TEX2: variants seen among roughly 807,000 people sequenced by gnomAD.
TEX2 encodes the protein testis expressed 2, also known as testis-expressed protein 2.
Under a neutral mutation model 106.9 loss-of-function variants are expected in TEX2, and 53 were observed. The ratio of observed to expected loss-of-function variants is 0.50; its 90% CI spans 0.40 to 0.62. The LOEUF is 0.62. Ranked by LOEUF, TEX2 falls within the 20% of genes least tolerant of loss-of-function variation. The pLI is 0.00. For synonymous variants in TEX2, 523 were observed against 534.8 expected, an observed-to-expected ratio of 0.98 and a Z score of 0.30; for missense variants, 1,207 against 1,379.0, an observed-to-expected ratio of 0.88 and a Z score of 1.98.
chr17:64,148,731 T>C lies in TEX2; in HGVS notation c.*238A>G, dbSNP rs2030188392. 2.0e-6 allele frequency: 1 copy of C among 488,414 alleles called. No homozygotes were observed. The highest frequency in any genetic ancestry group is 3.6e-6 in the Non-Finnish European group (1 of 276,408). The allele number at this position is 488,414 out of a possible 1,614,324, so 30.3% of individuals were successfully genotyped here. A position where few individuals can be genotyped will look rare whatever the true frequency, so the allele number is the denominator to read the frequency against. On this transcript the variant is annotated 3_prime_UTR_variant, in exon 12 of 12. Coordinates refer to ENST00000584379, the MANE Select transcript of TEX2 (RefSeq NM_001288732.2). ...CGTATAACTTCTGGATCCACCATGATTCTTCCATGGTCTCCTTTGCCAAAT... is the reference window on the plus strand; with the variant it reads ...CGTATAACTTCTGGATCCACCATGACTCTTCCATGGTCTCCTTTGCCAAAT...
chr17:64,254,295 T>A (rs1172618811), intron 1 of TEX2, among the ~76,000 whole-genome samples: 1 of 152,170 alleles, frequency 6.6e-6, no homozygotes, highest in Non-Finnish European at 1.5e-5. Context: ...ATAATCAAAC[T>A]CCTTTTCTCT....
chr17:64,218,562 A>G (rs7208940), intron 1 of TEX2, among the ~76,000 whole-genome samples: 87,529 of 151,678 alleles, frequency 0.58, 26,652 homozygotes, highest in East Asian at 0.85. Context: ...GGGACTACAG[A>G]CGCCCGCCAC....
chr17:64,171,310 T>C, intron 6 of TEX2, 111 bp from the exon 7 acceptor site: 4 of 830,582 alleles, frequency 4.8e-6, no homozygotes, highest in East Asian at 5.3e-5. Context: ...TGGGGACATA[T>C]CATTTATGTA....
intron 2 of TEX2, among the ~76,000 whole-genome samples, chr17:64,202,738 G>A (rs2032710474): frequency 6.6e-6 from 1 of 152,200 alleles, no homozygotes; most frequent in Non-Finnish European, 1.5e-5. Flanking sequence ...ATGGCATATA[G>A]ATAGCAACAT....
At chr17:64,184,894 T>C (rs1213502653) in intron 5 of TEX2, among the ~76,000 whole-genome samples, 2 of 152,260 alleles carry the variant, frequency 1.3e-5, no homozygotes, top group Non-Finnish European at 2.9e-5. Flanking sequence ...CTTTTTAAAA[T>C]TTATTTTTAA....
intron 5 of TEX2, 55 bp from the exon 6 acceptor site, chr17:64,177,526 G>A (rs1380753277): frequency 1.3e-6 from 2 of 1,580,838 alleles, no homozygotes; most frequent in African/African-American, 2.7e-5. Flanking sequence ...GAATAAGACA[G>A]GTGCTTATTT....
At chr17:64,159,431 C>G (rs1252075919) in intron 8 of TEX2, among the ~76,000 whole-genome samples, 1 of 152,090 alleles carries the variant, frequency 6.6e-6, no homozygotes, top group Non-Finnish European at 1.5e-5. Flanking sequence ...GGGGTGGGGA[C>G]AGCAGGACAA....
At chr17:64,260,433 T>A (rs2034269118) in intron 1 of TEX2, among the ~76,000 whole-genome samples, 2 of 150,958 alleles carry the variant, frequency 1.3e-5, no homozygotes, top group African/African-American at 4.9e-5. Flanking sequence ...CCTCCCAAGG[T>A]ACTGGGATTA....
At chr17:64,197,282 T>C (rs1041742899) in intron 2 of TEX2, among the ~76,000 whole-genome samples, 4 of 152,216 alleles carry the variant, frequency 2.6e-5, no homozygotes, top group African/African-American at 4.8e-5. Context: ...TCCCAAACTA[T>C]GAATTCAATT....
chr17:64,219,521 A>AATTAAATTAAATTAAAT (rs1567951522), intron 1 of TEX2, among the ~76,000 whole-genome samples: 1 of 147,422 alleles, frequency 6.8e-6, no homozygotes, highest in African/African-American at 2.5e-5. Context: ...ATAAAATAAA[A>AATTAAATTAAATTAAAT]TAAAATAAAA....
intron 2 of TEX2, among the ~76,000 whole-genome samples, chr17:64,203,424 A>G (rs1555630356): frequency 6.6e-6 from 1 of 152,200 alleles, no homozygotes; most frequent in African/African-American, 2.4e-5. Flanking sequence ...AAGCACATAA[A>G]AAGGTAATTA....
chr17:64,181,074 C>T (rs1185186527), intron 5 of TEX2, among the ~76,000 whole-genome samples: 8 of 151,502 alleles, frequency 5.3e-5, no homozygotes, highest in African/African-American at 1.5e-4. Flanking sequence ...CACCCATAAA[C>T]CTGCTACTCA....
chr17:64,210,517 G>C (rs936287863), intron 2 of TEX2, among the ~76,000 whole-genome samples: 1 of 151,536 alleles, frequency 6.6e-6, no homozygotes, highest in Non-Finnish European at 1.5e-5. Context: ...TTTTTCTTTG[G>C]GTTTCCTGTG....
At chr17:64,244,089 GA>G (rs1343422531) in intron 1 of TEX2, among the ~76,000 whole-genome samples, 2 of 152,152 alleles carry the variant, frequency 1.3e-5, no homozygotes, top group Non-Finnish European at 2.9e-5. Context: ...TTACAAGTGT[GA>G]ACCACCGCGC....
Position 64,175,450 on chromosome 17 carries a change from G to A in TEX2, c.2571+1875C>T, listed in dbSNP as rs539300080. ...TACCAGTGCCTCCATGATTATCAACGGGAGAAAATGAAAACAGACTTTCCC... is the reference window on the plus strand; with the variant it reads ...TACCAGTGCCTCCATGATTATCAACAGGAGAAAATGAAAACAGACTTTCCC... On this transcript the variant is annotated intron_variant, in intron 6 of 11. Transcript: ENST00000584379. 2.6e-5 allele frequency among the ~76,000 whole-genome samples: 4 copies of A among 152,294 alleles called. No homozygotes were observed. The East Asian group carries it at 7.7e-4, about 29-fold the overall frequency.
At chr17:64,152,393 C>T (rs956651510) in intron 10 of TEX2, among the ~76,000 whole-genome samples, 2 of 152,170 alleles carry the variant, frequency 1.3e-5, no homozygotes, top group African/African-American at 4.8e-5. Context: ...TAACATGCAG[C>T]TGGGGCTGAG....
At chr17:64,240,924 T>A (rs1248435995) in intron 1 of TEX2, among the ~76,000 whole-genome samples, 1 of 152,084 alleles carries the variant, frequency 6.6e-6, no homozygotes, top group East Asian at 1.9e-4. Context: ...TGTGAAAAAA[T>A]TTTTAAACAG....
chr17:64,155,124 AG>A, intron 8 of TEX2, 157 bp from the exon 9 acceptor site: 2 of 892,576 alleles, frequency 2.2e-6, no homozygotes, highest in Non-Finnish European at 3.1e-6. Context: ...CCAAACCAGA[AG>A]AGGCCCAATC....
chr17:64,213,842 C>A lies in TEX2; in HGVS notation c.376G>T (p.Val126Leu). The A allele has an allele frequency of 1.9e-6, 3 of 1,614,210 alleles. No homozygotes were observed. Among genetic ancestry groups the A allele is most frequent in the Non-Finnish European group, 2.5e-6 (3 of 1,180,036 alleles). The change falls in exon 2 of 12, where the codon GTA becomes TTA. Residue 126 changes from valine to leucine, a missense_variant. By Grantham distance (32) the Val-to-Leu change is conservative. Coordinates refer to ENST00000584379, the MANE Select transcript of TEX2 (RefSeq NM_001288732.2). This position sits in a 1 kb window ranked among gnomAD's most constrained non-coding sequence, Gnocchi z 4.4. ...LLESPVPAAQ[V>L]LSTVPLAVSP... ...ACAGCCAATGGCACTGTACTTAATA[C>A]TTGTGCTGCTGGAACAGGGGACTCC...
Sources: gnomAD v4.1 joint callset for allele counts (sites outside exome capture counted in the v4.1 genomes callset) on GRCh38, gnomAD v4.1.1 for gene constraint, Gnocchi (gnomAD v3.1) non-coding constraint, MANE v1.5 for transcripts, NCBI Gene and HGNC (gene_info 2026-07-23, HGNC 2026-07-21) for gene names.